The following NEDD4L variants were observed in gnomAD, a reference collection of about 807,000 sequenced individuals.
NEDD4L encodes E3 ubiquitin-protein ligase NEDD4-like.
In NEDD4L, 54 loss-of-function variants were observed where a neutral mutation model predicts 148.9. The ratio of observed to expected loss-of-function variants is 0.36; its 90% CI spans 0.29 to 0.45. The LOEUF (loss-of-function observed/expected upper bound fraction) is 0.45, where lower values mean the gene tolerates loss of function less well. Among genes scored for constraint, NEDD4L ranks in the 20% least tolerant of loss-of-function variants. The pLI, the probability that NEDD4L is intolerant of heterozygous loss-of-function variation, is 1.00. For synonymous variants in NEDD4L, 433 were observed against 440.7 expected, an observed-to-expected ratio of 0.98 and a Z score of 0.22; for missense variants, 856 against 1,233.8, an observed-to-expected ratio of 0.69 and a Z score of 4.59.
intron 1 of NEDD4L, among the ~76,000 whole-genome samples, chr18:58,099,727 A>AT (rs2084639244): frequency 6.6e-6 from 1 of 152,196 alleles, no homozygotes; most frequent in Non-Finnish European, 1.5e-5. Context: ...TGACCTGGGC[A>AT]TTTGAGGTAG....
intron 6 of NEDD4L, among the ~76,000 whole-genome samples, chr18:58,316,440 A>C (rs1429498499): frequency 1.3e-5 from 2 of 152,116 alleles, no homozygotes; most frequent in Non-Finnish European, 1.5e-5. Context: ...CGCACATGCC[A>C]TTTCTCTTGG....
At chr18:58,208,326 T>C (rs1181106393) in intron 2 of NEDD4L, among the ~76,000 whole-genome samples, 2 of 152,198 alleles carry the variant, frequency 1.3e-5, no homozygotes, top group African/African-American at 4.8e-5. Context: ...TATTAGCACT[T>C]CAGTTGTTTA....
intron 1 of NEDD4L, among the ~76,000 whole-genome samples, chr18:58,050,715 C>T (rs991452521): frequency 2.6e-5 from 4 of 151,980 alleles, no homozygotes; most frequent in Non-Finnish European, 2.9e-5. Context: ...GAGACAAGTT[C>T]GGGCCATTGT....
chr18:58,388,902 C>T (rs994013367), intron 27 of NEDD4L, 183 bp from the exon 28 acceptor site: 1 of 617,090 alleles, frequency 1.6e-6, no homozygotes, highest in African/African-American at 1.8e-5. Flanking sequence ...TGACTGCTGC[C>T]TCTGTGATCT....
intron 5 of NEDD4L, among the ~76,000 whole-genome samples, chr18:58,311,431 A>G (rs1409836977): frequency 6.6e-6 from 1 of 152,158 alleles, no homozygotes; most frequent in African/African-American, 2.4e-5. Flanking sequence ...GCACGATCAT[A>G]GCTCCTTGCA....
intron 1 of NEDD4L, among the ~76,000 whole-genome samples, chr18:58,061,011 C>CAGG (rs766640875): frequency 2.6e-5 from 4 of 152,144 alleles, no homozygotes; most frequent in Admixed American, 6.5e-5. Flanking sequence ...GTACCGGTCT[C>CAGG]GGCCTCCCAA....
At chr18:58,389,217 C>T (rs760870315) in intron 28 of NEDD4L, 25 bp downstream of exon 28, 12 of 1,543,508 alleles carry the variant, frequency 7.8e-6, no homozygotes, top group African/African-American at 4.1e-5. Flanking sequence ...CAGCCCCAGC[C>T]GGTGTCCTCC....
chr18:58,145,327 A>T (rs2033988984), intron 1 of NEDD4L, among the ~76,000 whole-genome samples: 1 of 152,178 alleles, frequency 6.6e-6, no homozygotes, highest in South Asian at 2.1e-4. Flanking sequence ...TGAAGAATCA[A>T]ATCTGGAATC....
At chr18:58,111,131 A>G (rs1411099817) in intron 1 of NEDD4L, among the ~76,000 whole-genome samples, 2 of 152,188 alleles carry the variant, frequency 1.3e-5, no homozygotes, top group Non-Finnish European at 2.9e-5. Context: ...GGAGTGGCAC[A>G]ATCTCGGCTT....
At chr18:58,109,264 A>G (rs2085266648) in intron 1 of NEDD4L, among the ~76,000 whole-genome samples, 2 of 152,224 alleles carry the variant, frequency 1.3e-5, no homozygotes, top group Admixed American at 6.5e-5. Flanking sequence ...TCATGCAGGT[A>G]TTGAAGAGGG....
intron 5 of NEDD4L, chr18:58,255,613 C>G (rs564135261): frequency 8.1e-7 from 1 of 1,232,450 alleles, no homozygotes; most frequent in Admixed American, 4.2e-5. Flanking sequence ...TGCCGCTTGC[C>G]CTAGCCCTCC....
intron 1 of NEDD4L, among the ~76,000 whole-genome samples, chr18:58,127,184 A>C (rs2031273089): frequency 6.6e-6 from 1 of 152,198 alleles, no homozygotes; most frequent in Admixed American, 6.5e-5. Context: ...ACCAGGCTAG[A>C]TTCCAGTTGA....
intron 2 of NEDD4L, among the ~76,000 whole-genome samples, chr18:58,198,672 A>G (rs1198972547): frequency 1.3e-5 from 2 of 152,232 alleles, no homozygotes; most frequent in Admixed American, 6.5e-5. Flanking sequence ...TAGGATGGAA[A>G]GGGTTAAGAA....
intron 1 of NEDD4L, among the ~76,000 whole-genome samples, chr18:58,131,719 TG>T (rs1409943555): frequency 1.6e-4 from 24 of 151,946 alleles, no homozygotes; most frequent in African/African-American, 5.6e-4. Context: ...TGGGCTCTGT[TG>T]GGGTTTGGTT....
At chr18:58,203,032 C>G (rs528344534) in intron 2 of NEDD4L, among the ~76,000 whole-genome samples, 14 of 152,188 alleles carry the variant, frequency 9.2e-5, no homozygotes, top group African/African-American at 3.1e-4. Context: ...CTGAGACACA[C>G]TTGTAGCTCA....
chr18:58,166,767 T>C (rs1213712180), intron 2 of NEDD4L, among the ~76,000 whole-genome samples: 1 of 152,200 alleles, frequency 6.6e-6, no homozygotes, highest in Non-Finnish European at 1.5e-5. Context: ...GGCAGGTGAC[T>C]GGTGAGGAGA....
intron 1 of NEDD4L, among the ~76,000 whole-genome samples, chr18:58,128,565 C>G (rs1347481915): frequency 6.6e-6 from 1 of 152,192 alleles, no homozygotes; most frequent in Non-Finnish European, 1.5e-5. Flanking sequence ...TCCCTTGTCC[C>G]TCTTCCATTG....
intron 18 of NEDD4L, among the ~76,000 whole-genome samples, chr18:58,354,259 C>T (rs2044296775): frequency 6.6e-6 from 1 of 152,284 alleles, no homozygotes; most frequent in South Asian, 2.1e-4. Flanking sequence ...CTATCTACAA[C>T]ATTAGAAGAG....
chr18:58,162,508 T>C (rs1383497964), intron 1 of NEDD4L, among the ~76,000 whole-genome samples: 1 of 151,906 alleles, frequency 6.6e-6, no homozygotes, highest in Non-Finnish European at 1.5e-5. Flanking sequence ...CCAGTTGCTT[T>C]TTCCCTCTCC....
Sources: gnomAD v4.1 joint callset for allele counts (sites outside exome capture counted in the v4.1 genomes callset) on GRCh38, gnomAD v4.1.1 for gene constraint, MANE v1.5 for transcripts, NCBI Gene and HGNC (gene_info 2026-07-23, HGNC 2026-07-21) for gene names.